The following ENTHD1 variants were observed in gnomAD, a reference collection of about 807,000 sequenced individuals.
The protein encoded by ENTHD1 is ENTH domain-containing protein 1.
A neutral mutation model predicts 39.1 loss-of-function variants in ENTHD1; 23 were observed. The observed-to-expected ratio is 0.59, with a 90% CI of 0.42 to 0.83. The LOEUF is 0.83. Among genes scored for constraint, ENTHD1 ranks in the 40% least tolerant of loss-of-function variants. The pLI, the probability that ENTHD1 is intolerant of heterozygous loss-of-function variation, is 0.00. For missense variants in ENTHD1, 624 were observed against 705.4 expected, an observed-to-expected ratio of 0.88 and a Z score of 1.31; for synonymous variants, 230 against 258.2, an observed-to-expected ratio of 0.89 and a Z score of 1.05.
At chr22:39,850,361 G>T (rs935317686) in intron 3 of ENTHD1, among the ~76,000 whole-genome samples, 5 of 152,030 alleles carry the variant, frequency 3.3e-5, no homozygotes, top group African/African-American at 1.2e-4. Flanking sequence ...CTGTTATTAA[G>T]TAGCTACACC....
At chr22:39,762,200 T>C (rs73163068) in intron 6 of ENTHD1, among the ~76,000 whole-genome samples, 4,617 of 152,236 alleles carry the variant, frequency 0.03, 125 homozygotes, top group Middle Eastern at 0.062. Context: ...CCTATACGTA[T>C]AGTTTAGTGG....
intron 2 of ENTHD1, among the ~76,000 whole-genome samples, chr22:39,879,480 A>G (rs953950437): frequency 3.3e-5 from 5 of 150,170 alleles, no homozygotes; most frequent in African/African-American, 1.2e-4. Flanking sequence ...AAAAAAAAAA[A>G]AAAAAAAAAG....
intron 2 of ENTHD1, among the ~76,000 whole-genome samples, chr22:39,884,289 G>A (rs768878695): frequency 9.2e-5 from 14 of 151,676 alleles, no homozygotes; most frequent in East Asian, 2.0e-4. Flanking sequence ...AGCAATTCTC[G>A]TGCCTCAGCC....
At chr22:39,833,316 C>T (rs904232340) in intron 4 of ENTHD1, among the ~76,000 whole-genome samples, 2 of 152,070 alleles carry the variant, frequency 1.3e-5, no homozygotes, top group African/African-American at 4.8e-5. Context: ...AAAAAAGCAG[C>T]CATTACCTCT....
At chr22:39,796,981 C>A (rs549116703) in intron 5 of ENTHD1, among the ~76,000 whole-genome samples, 3 of 152,278 alleles carry the variant, frequency 2.0e-5, no homozygotes, top group South Asian at 4.1e-4. Flanking sequence ...AAGTCTCCAA[C>A]TATTATTGGA....
chr22:39,764,158 G>A (rs1231006640), intron 6 of ENTHD1, among the ~76,000 whole-genome samples: 2 of 152,088 alleles, frequency 1.3e-5, no homozygotes, highest in African/African-American at 4.8e-5. Flanking sequence ...CTGGGTTTGA[G>A]TCTGTTTAAA....
Position 39,887,419 on chromosome 22 carries a change from A to C in ENTHD1, c.330T>G (p.Asp110Glu). Reference protein sequence around the residue: ...LQTLKDFQHIDEAGKDQGYYI... With the variant: ...LQTLKDFQHIEEAGKDQGYYI... ...CATTACCTTGGTCTTTTCCAGCTTC[A>C]TCTATGTGCTGAAAATCTTTTAGTG... is the stretch of plus-strand genomic sequence containing the variant. The change falls in exon 2 of 7, where the codon GAT becomes GAG. Residue 110 changes from aspartate to glutamate, a missense_variant. Transcript: ENST00000325157. The C allele has an allele frequency of 6.2e-7, 1 of 1,609,950 alleles. No homozygotes were observed. Among genetic ancestry groups the C allele is most frequent in the South Asian group, 1.1e-5 (1 of 90,428 alleles).
intron 3 of ENTHD1, among the ~76,000 whole-genome samples, chr22:39,843,009 G>A (rs2146689055): frequency 6.6e-6 from 1 of 151,400 alleles, no homozygotes; most frequent in East Asian, 1.9e-4. Flanking sequence ...TACACTGTTG[G>A]TGGGACTGTA....
In ENTHD1 at chr22:39,835,893, T is replaced by G. The variant is rs1165217833; in HGVS notation, c.658A>C (p.Met220Leu). The G allele has an allele frequency of 6.2e-7, 1 of 1,609,340 alleles. No individual in the cohort carries two copies. Among genetic ancestry groups the G allele is most frequent in the South Asian group, 1.1e-5 (1 of 90,056 alleles). ...AGTGGAAGTGTTTCCTGGGACAACA[T>G]AGTTTCTGTAGGCAAATGAACATCT... The part of the protein sequence containing the change: ...CQDVHLPTET[M>L]LSQETLPLKI... The change falls in exon 4 of 7, where the codon ATG (methionine) becomes CTG (leucine). Residue 220 changes from methionine (M) to leucine (L), a missense_variant. Transcript: ENST00000325157.
At chr22:39,811,349 GAC>G (rs1367915461) in intron 5 of ENTHD1, among the ~76,000 whole-genome samples, 2 of 152,160 alleles carry the variant, frequency 1.3e-5, no homozygotes, top group Admixed American at 1.3e-4. Flanking sequence ...AAGCTGCCCC[GAC>G]ACCTGGATCA....
intron 4 of ENTHD1, among the ~76,000 whole-genome samples, chr22:39,823,650 C>T (rs908016067): frequency 2.6e-5 from 4 of 152,092 alleles, no homozygotes; most frequent in Non-Finnish European, 4.4e-5. Context: ...ACTGTACCAG[C>T]CTAGATGTTC....
At chr22:39,781,336 A>C (rs945518959) in intron 5 of ENTHD1, among the ~76,000 whole-genome samples, 1 of 152,246 alleles carries the variant, frequency 6.6e-6, no homozygotes, top group African/African-American at 2.4e-5. Context: ...GACTGCAACT[A>C]GGAATCAATA....
At chr22:39,866,761 C>T (rs566688582) in intron 2 of ENTHD1, among the ~76,000 whole-genome samples, 25 of 152,356 alleles carry the variant, frequency 1.6e-4, no homozygotes, top group African/African-American at 5.5e-4. Flanking sequence ...AGTCATTGCC[C>T]ATTTGGTAAC....
At chr22:39,760,435 A>G (rs1054638748) in intron 6 of ENTHD1, among the ~76,000 whole-genome samples, 90 of 152,118 alleles carry the variant, frequency 5.9e-4, no homozygotes, top group African/African-American at 2.1e-3. Flanking sequence ...TGGTATTAAT[A>G]TAGCTACTCC....
intron 5 of ENTHD1, among the ~76,000 whole-genome samples, chr22:39,815,810 ATAAAT>A (rs1350064851): frequency 6.6e-6 from 1 of 152,200 alleles, no homozygotes; most frequent in Non-Finnish European, 1.5e-5. Flanking sequence ...AGCGGTGAAA[ATAAAT>A]AGGTGAATCT....
chr22:39,790,653 ACCACCAAAG>A (rs755692160), intron 5 of ENTHD1, among the ~76,000 whole-genome samples: 6 of 152,122 alleles, frequency 3.9e-5, no homozygotes, highest in Non-Finnish European at 7.4e-5. Flanking sequence ...CTGTGGCTTC[ACCACCAAAG>A]AGCTACTGGT....
At chr22:39,780,360 G>C (rs2065398967) in intron 5 of ENTHD1, among the ~76,000 whole-genome samples, 1 of 145,078 alleles carries the variant, frequency 6.9e-6, no homozygotes, top group Non-Finnish European at 1.5e-5. Context: ...CTGGGTGACA[G>C]AGCAAGACTA....
chr22:39,852,339 C>T (rs1175455344), intron 3 of ENTHD1, among the ~76,000 whole-genome samples: 1 of 151,982 alleles, frequency 6.6e-6, no homozygotes, highest in African/African-American at 2.4e-5. Context: ...AGAGTGAGAG[C>T]CTGTCTCACA....
intron 6 of ENTHD1, among the ~76,000 whole-genome samples, chr22:39,752,810 G>A (rs2146536681): frequency 6.6e-6 from 1 of 152,324 alleles, no homozygotes; most frequent in South Asian, 2.1e-4. Context: ...CCTCCCTGGA[G>A]GGATGATGAA....
Sources: gnomAD v4.1 joint callset for allele counts (sites outside exome capture counted in the v4.1 genomes callset) on GRCh38, gnomAD v4.1.1 for gene constraint, MANE v1.5 for transcripts, NCBI Gene and HGNC (gene_info 2026-07-23, HGNC 2026-07-21) for gene names.